Variants in PCID2 observed in about 807,000 individuals in gnomAD.
PCID2 encodes PCI domain containing 2.
A neutral mutation model predicts 61.3 loss-of-function variants in PCID2; 41 were observed. The observed-to-expected ratio is 0.67, with a 90% CI of 0.52 to 0.87. The LOEUF (loss-of-function observed/expected upper bound fraction) is 0.87. Among genes scored for constraint, PCID2 ranks in the 40% least tolerant of loss-of-function variants. PCID2 has a pLI of 0.00. For synonymous variants in PCID2, 187 were observed against 177.8 expected, an observed-to-expected ratio of 1.05 and a Z score of -0.41; for missense variants, 392 against 493.4, an observed-to-expected ratio of 0.79 and a Z score of 1.95.
At chr13:113,184,590 A>T in intron 8 of PCID2, 103 bp from the exon 9 acceptor site, 1 of 680,206 alleles carries the variant, frequency 1.5e-6, no homozygotes, top group Admixed American at 2.5e-5. Flanking sequence ...TACAAAACCT[A>T]TTATATCATA....
chr13:113,202,258 C>T (rs1366044690), intron 1 of PCID2, among the ~76,000 whole-genome samples: 1 of 152,228 alleles, frequency 6.6e-6, no homozygotes, highest in Non-Finnish European at 1.5e-5. Flanking sequence ...ACTCCTACTA[C>T]CCCATTGTTC....
chr13:113,178,352 G>A, intron 13 of PCID2, 65 bp from the exon 14 acceptor site: 1 of 1,195,294 alleles, frequency 8.4e-7, no homozygotes, highest in Non-Finnish European at 1.2e-6. Flanking sequence ...AAGATGCTGG[G>A]TGATCTAATT....
chr13:113,165,727 C>T, the PCID2 span, among the ~76,000 whole-genome samples: 1 of 152,142 alleles, frequency 6.6e-6, no homozygotes, highest in Non-Finnish European at 1.5e-5. Context: ...GACGGGGTTT[C>T]ACCATGTTGG....
intron 7 of PCID2, chr13:113,187,710 CTGT>C (rs1289360002): frequency 6.6e-6 from 1 of 152,154 alleles, no homozygotes; most frequent in Non-Finnish European, 1.5e-5. Flanking sequence ...TGTCTTTTTA[CTGT>C]TGAATTGTAA....
At chr13:113,205,708 C>G (rs1030679907) in intron 1 of PCID2, among the ~76,000 whole-genome samples, 1 of 152,200 alleles carries the variant, frequency 6.6e-6, no homozygotes, top group African/African-American at 2.4e-5. Flanking sequence ...ACCCTGAAAA[C>G]ATGATGCAAG....
chr13:113,194,958 A>G (rs2038899214), intron 6 of PCID2, 113 bp downstream of exon 6: 1 of 767,266 alleles, frequency 1.3e-6, no homozygotes, highest in African/African-American at 1.7e-5. Flanking sequence ...TACCAGACAC[A>G]TCTCAACTCC....
At chr13:113,170,770 A>G in the PCID2 span, among the ~76,000 whole-genome samples, 3 of 152,170 alleles carry the variant, frequency 2.0e-5, no homozygotes, top group African/African-American at 7.2e-5. Flanking sequence ...CACAGCCTAC[A>G]TAAGGATGAC....
At chr13:113,170,189 GC>G in the PCID2 span, among the ~76,000 whole-genome samples, 2 of 151,844 alleles carry the variant, frequency 1.3e-5, no homozygotes, top group African/African-American at 4.8e-5. Context: ...GGAAGTGCCG[GC>G]CCCATTTAAT....
At chr13:113,172,059 C>T in the PCID2 span, 156 of 1,612,930 alleles carry the variant, frequency 9.7e-5, no homozygotes, top group Non-Finnish European at 1.3e-4. Flanking sequence ...GTCCTTGTCA[C>T]CAAGGTCTCC....
At position 113,180,019 on chromosome 13, in the gene PCID2, T is replaced by TGCA. The variant is rs760968163; in HGVS notation, c.881_883dup (p.Leu294dup). 8.1e-6 allele frequency: 13 copies of TGCA among 1,614,060 alleles called. No individual in the cohort carries two copies. Among genetic ancestry groups the TGCA allele is most frequent in the East Asian group, 2.2e-5 (1 of 44,874 alleles). ...GGCCTCGTGCTTCGCCAGCGCCTCG[T>TGCA]GCAGCAGCAGCAGGTTGCCCTCGCT... On this transcript the variant is annotated inframe_insertion, in exon 12 of 14. Coordinates refer to ENST00000337344, the MANE Select transcript of PCID2 (RefSeq NM_001127202.4).
intron 8 of PCID2, 71 bp downstream of exon 8, chr13:113,185,414 A>C: frequency 9.9e-7 from 1 of 1,011,250 alleles, no homozygotes; most frequent in Non-Finnish European, 1.6e-6. Context: ...TAGCTGATAT[A>C]TATATGATAT....
At chr13:113,171,754 GAA>G in the PCID2 span, 1 of 1,612,174 alleles carries the variant, frequency 6.2e-7, no homozygotes, top group Non-Finnish European at 8.5e-7. This position sits in a 1 kb window ranked among gnomAD's most constrained non-coding sequence, Gnocchi z 5.1. Context: ...GCACCCCTGA[GAA>G]AGACTTCGCT....
chr13:113,199,185 G>GA (rs1371809732), intron 2 of PCID2, among the ~76,000 whole-genome samples: 1 of 152,200 alleles, frequency 6.6e-6, no homozygotes, highest in Non-Finnish European at 1.5e-5. Context: ...TGCACTAGTA[G>GA]ACTCAGGAAA....
intron 1 of PCID2, among the ~76,000 whole-genome samples, chr13:113,207,466 A>G (rs2039972870): frequency 6.6e-6 from 1 of 152,256 alleles, no homozygotes; most frequent in South Asian, 2.1e-4. Context: ...GTCTGCTAAG[A>G]TTAGGCCAAA....
Position 113,193,786 on chromosome 13 carries a change from T to C in PCID2, c.363+1285A>G, listed in dbSNP as rs556527055. Among the ~76,000 whole-genome samples, 35 of 152,312 alleles carry C rather than the reference T, an allele frequency of 2.3e-4. 1 individual carries two copies. In the South Asian group the frequency reaches 3.5e-3, roughly 15 times the overall value. On this transcript the variant is annotated intron_variant, in intron 6 of 13. Coordinates refer to ENST00000337344, the MANE Select transcript of PCID2 (RefSeq NM_001127202.4). ...ATTTCCTTGTTGAGACTTTAAATGT[T>C]TTCATTTGTTTCAAGCATGTTCTAA...
At chr13:113,171,872 G>A in the PCID2 span, 1 of 1,613,706 alleles carries the variant, frequency 6.2e-7, no homozygotes, top group Non-Finnish European at 8.5e-7. The surrounding 1 kb of genome is among the most constrained non-coding windows in gnomAD (Gnocchi z 5.1). Flanking sequence ...ACTTGTGGAG[G>A]GGGAGGAGTG....
chr13:113,200,486 C>T lies in PCID2; in HGVS notation c.67G>A (p.Ala23Thr), dbSNP rs186977196. 7 of 1,613,352 alleles carry T rather than the reference C, an allele frequency of 4.3e-6. No homozygotes were observed. The East Asian group carries it at 1.3e-4, about 31-fold the overall frequency. Residue 23 changes from alanine (A) to threonine (T), a missense_variant, in exon 2 of 14, where the codon GCA (alanine) becomes ACA (threonine). By Grantham distance (58) the Ala-to-Thr change is moderately conservative (BLOSUM62 0). Around this residue, in one of 3 missense-constraint regions of PCID2, gnomAD observed 155 missense variants for 164.9 expected, o/e 0.94. Coordinates refer to ENST00000337344, the MANE Select transcript of PCID2 (RefSeq NM_001127202.4). ...VYEAIDSRDG[A>T]SCAELVSFKH... is the part of the protein sequence containing the mutation. ...AAAGACACCAACTCTGCACAAGATGCTCCATCTCTGCTGTCGATGGCTTCG... is the reference window on the plus strand; with the variant it reads ...AAAGACACCAACTCTGCACAAGATGTTCCATCTCTGCTGTCGATGGCTTCG...
intron 8 of PCID2, among the ~76,000 whole-genome samples, chr13:113,184,876 G>A (rs1284156944): frequency 2.7e-5 from 4 of 150,386 alleles, no homozygotes; most frequent in African/African-American, 9.8e-5. Context: ...CTGCGAAGCC[G>A]TTTCAGGGGG....
chr13:113,196,313 T>C, intron 4 of PCID2, 91 bp from the exon 5 acceptor site: 5 of 1,015,230 alleles, frequency 4.9e-6, no homozygotes, highest in Non-Finnish European at 7.6e-6. Flanking sequence ...TTAAGGAATG[T>C]AGATCACCCT....
Sources: gnomAD v4.1 joint callset for allele counts (sites outside exome capture counted in the v4.1 genomes callset) on GRCh38, gnomAD v4.1.1 for gene constraint, gnomAD v4.1.1 regional missense constraint, Gnocchi (gnomAD v3.1) non-coding constraint, MANE v1.5 for transcripts, NCBI Gene and HGNC (gene_info 2026-07-23, HGNC 2026-07-21) for gene names.